Variants in ARID2 observed in about 807,000 individuals in gnomAD.
ARID2 encodes the protein AT-rich interaction domain 2, also known as AT-rich interactive domain-containing protein 2.
A neutral mutation model predicts 184.6 loss-of-function variants in ARID2; 32 were observed. That is an observed-to-expected ratio of 0.17 (90% CI 0.13 to 0.23). The LOEUF (loss-of-function observed/expected upper bound fraction) is 0.23, where lower values mean the gene tolerates loss of function less well. ARID2 is among the 10% of genes least tolerant of loss of function. The pLI is 1.00. For synonymous variants in ARID2, 836 were observed against 772.6 expected, an observed-to-expected ratio of 1.08 and a Z score of -1.36; for missense variants, 1,696 against 2,197.6, an observed-to-expected ratio of 0.77 and a Z score of 4.56.
chr12:45,850,306 T>C lies in ARID2; in HGVS notation c.2183T>C (p.Val728Ala), dbSNP rs2138160720. 1 of 1,614,040 alleles carries C rather than the reference T, an allele frequency of 6.2e-7. No individual in the cohort carries two copies. Among genetic ancestry groups the C allele is most frequent in the Non-Finnish European group, 8.5e-7 (1 of 1,179,968 alleles). The change falls in exon 15 of 21, where the codon GTT becomes GCT. Residue 728 changes from valine to alanine, a missense_variant. Around this residue, in one of 11 missense-constraint regions of ARID2, gnomAD observed 713 missense variants for 824.4 expected, o/e 0.86. Coordinates refer to ENST00000334344, the MANE Select transcript of ARID2 (RefSeq NM_152641.4). ...VIQNSIPQTG[V>A]PVSIAVGGGP... Reference sequence around the variant, plus strand: ...CAGAATTCCATACCCCAGACAGGAGTTCCTGTTAGTATTGCTGTTGGAGGA... The same window carrying C: ...CAGAATTCCATACCCCAGACAGGAGCTCCTGTTAGTATTGCTGTTGGAGGA...
Position 45,729,870 on chromosome 12 carries a change from G to A in ARID2, c.34G>A (p.Glu12Lys), listed in dbSNP as rs1490903912. Residue 12 changes from glutamate (E) to lysine (K), a missense_variant, in exon 1 of 21, where the codon GAG (glutamate) becomes AAG (lysine). By Grantham distance (56) the Glu-to-Lys change is moderately conservative (BLOSUM62 1). Coordinates refer to ENST00000334344, the MANE Select transcript of ARID2 (RefSeq NM_152641.4). ...CTCGACGGGGAAGGCGCCTCCGGACGAGCGGAGAAAGGGACTCGCTTTCCT... is the reference window on the plus strand; with the variant it reads ...CTCGACGGGGAAGGCGCCTCCGGACAAGCGGAGAAAGGGACTCGCTTTCCT... ...ANSTGKAPPD[E>K]RRKGLAFLDE... 1.9e-6 allele frequency: 3 copies of A among 1,611,600 alleles called. No homozygotes were observed. The highest frequency in any genetic ancestry group is 1.1e-5 in the South Asian group (1 of 90,872).
At chr12:45,826,778 T>TA (rs1293871251) in intron 6 of ARID2, among the ~76,000 whole-genome samples, 11 of 152,138 alleles carry the variant, frequency 7.2e-5, no homozygotes, top group African/African-American at 2.7e-4. Context: ...AAAGGGCAGA[T>TA]ATTAAAACCA....
chr12:45,865,768 CATACT>C (rs1943821648), intron 16 of ARID2, among the ~76,000 whole-genome samples: 1 of 152,052 alleles, frequency 6.6e-6, no homozygotes, highest in Non-Finnish European at 1.5e-5. Context: ...TTTCTTTTCT[CATACT>C]ATAAGAGTAG....
At position 45,907,594 on chromosome 12, in the gene ARID2, T is replaced by G. The variant is rs148621959; in HGVS notation, c.*2516T>G. ...AGCTTTATAGAACTATATAATAATA[T>G]GGACTTGCTGTGTAATGGAATTAAA... On this transcript the variant is annotated 3_prime_UTR_variant, in exon 21 of 21. Transcript: ENST00000334344. 4.3e-6 allele frequency: 1 copy of G among 233,196 alleles called. No homozygotes were observed. Among genetic ancestry groups the G allele is most frequent in the Non-Finnish European group, 8.5e-6 (1 of 117,778 alleles). The allele number at this position is 233,196 out of a possible 1,614,324, so 14.4% of individuals were successfully genotyped here.
At chr12:45,832,569 T>G (rs1469140612) in intron 6 of ARID2, among the ~76,000 whole-genome samples, 1 of 151,896 alleles carries the variant, frequency 6.6e-6, no homozygotes, top group African/African-American at 2.4e-5. Context: ...CTTGAACACG[T>G]GAGTTCAAGC....
chr12:45,755,047 A>G (rs543913604), intron 3 of ARID2, among the ~76,000 whole-genome samples: 2 of 152,336 alleles, frequency 1.3e-5, no homozygotes, highest in Admixed American at 1.3e-4. Context: ...GAGAGTCTGT[A>G]CAGTGTATTT....
intron 16 of ARID2, among the ~76,000 whole-genome samples, chr12:45,887,650 G>A (rs1944217230): frequency 6.6e-6 from 1 of 152,212 alleles, no homozygotes; most frequent in Non-Finnish European, 1.5e-5. Flanking sequence ...AAACAACTCA[G>A]CAAAGTGAGA....
At position 45,837,726 on chromosome 12, in the gene ARID2, A is replaced by C. The variant is rs767691095; in HGVS notation, c.1330+19A>C. 1 of 1,603,232 alleles carries C rather than the reference A, an allele frequency of 6.2e-7. No individual in the cohort carries two copies. The highest frequency in any genetic ancestry group is 8.5e-7 in the Non-Finnish European group (1 of 1,171,016). On this transcript the variant is annotated intron_variant, in intron 10 of 20. Coordinates refer to ENST00000334344, the MANE Select transcript of ARID2 (RefSeq NM_152641.4). ...AGCATAGGTAAGACTGGACCAAAAA[A>C]CACTTATTTTCTTTATTGAGTAAAA...
chr12:45,735,554 A>G (rs1249867516), intron 3 of ARID2, among the ~76,000 whole-genome samples: 1 of 151,792 alleles, frequency 6.6e-6, no homozygotes, highest in East Asian at 1.9e-4. Context: ...TGGGATACAA[A>G]AGTGAGCCAC....
At chr12:45,886,371 T>C (rs1353916448) in intron 16 of ARID2, among the ~76,000 whole-genome samples, 3 of 152,166 alleles carry the variant, frequency 2.0e-5, no homozygotes, top group Non-Finnish European at 2.9e-5. Context: ...CTTTGCAGGA[T>C]ACAGTGCCCC....
chr12:45,738,779 CTTTTTTTTTT>C lies in ARID2; in HGVS notation c.284+7490_284+7499del, dbSNP rs11333868. On this transcript the variant is annotated intron_variant, in intron 3 of 20. Transcript: ENST00000334344. ...TTTTCTTCCTGGGGCATATGGGCTACTTTTTTTTTTTTTTTTTTTTTTTTTTTTTTTTTTA... is the reference window on the plus strand; with the variant it reads ...TTTTCTTCCTGGGGCATATGGGCTACTTTTTTTTTTTTTTTTTTTTTTTTA... Among the ~76,000 whole-genome samples, 345 of 62,294 alleles carry C rather than the reference CTTTTTTTTTT, an allele frequency of 5.5e-3. 2 individuals are homozygous for C. Among genetic ancestry groups the C allele is most frequent in the African/African-American group, 0.026 (299 of 11,708 alleles). 40.9% of individuals were successfully genotyped at this position (62,294 alleles called of 152,430 possible).
chr12:45,742,747 T>C (rs1352152906), intron 3 of ARID2, among the ~76,000 whole-genome samples: 1 of 152,240 alleles, frequency 6.6e-6, no homozygotes, highest in Non-Finnish European at 1.5e-5. Flanking sequence ...GAATAATCTG[T>C]AAATCTTAGT....
At position 45,801,051 on chromosome 12, in the gene ARID2, G is replaced by A. The variant is rs192559853; in HGVS notation, c.285-10367G>A. Reference sequence around the variant, plus strand: ...GGAGTTAGAAAAATTACTTTCTCACGCCTGTAATCCCAGCGCTTTGGGAGG... The same window carrying A: ...GGAGTTAGAAAAATTACTTTCTCACACCTGTAATCCCAGCGCTTTGGGAGG... On this transcript the variant is annotated intron_variant, in intron 3 of 20. Coordinates refer to ENST00000334344, the MANE Select transcript of ARID2 (RefSeq NM_152641.4). Among the ~76,000 whole-genome samples, 26 of 152,200 alleles carry A rather than the reference G, an allele frequency of 1.7e-4. 1 individual carries two copies. The highest frequency in any genetic ancestry group is 1.2e-3 in the Admixed American group (19 of 15,296).
In ARID2 at chr12:45,864,799, A is replaced by G. The variant is rs191473677; in HGVS notation, c.4922+3850A>G. On this transcript the variant is annotated intron_variant, in intron 16 of 20. Coordinates refer to ENST00000334344, the MANE Select transcript of ARID2 (RefSeq NM_152641.4). ...ATTATTTCATTAAGGTTTGTAAAAT[A>G]TAAAAGACCCCCTTTTATCAGTCAT... 9.2e-5 allele frequency among the ~76,000 whole-genome samples: 14 copies of G among 152,322 alleles called. No homozygotes were observed. In the East Asian group the frequency reaches 2.7e-3, roughly 29 times the overall value.
rs559818816 is a variant in ARID2 at position 45,906,910 on chromosome 12, T to G, written c.*1832T>G. The G allele has an allele frequency of 2.0e-4, 47 of 232,052 alleles. No homozygotes were observed. In the South Asian group the frequency reaches 3.8e-3, roughly 19 times the overall value. The allele number at this position is 232,052 out of a possible 1,614,324, so 14.4% of individuals were successfully genotyped here. ...TTCAGAATCACAGTGTATCCAAATC[T>G]TCAGCTTGAATTTGGAGGCAGATTC... On this transcript the variant is annotated 3_prime_UTR_variant, in exon 21 of 21. Transcript: ENST00000334344.
At position 45,905,933 on chromosome 12, in the gene ARID2, CTTTTTTCTTTTT is replaced by C. The variant is rs576332462; in HGVS notation, c.*874_*885del. On this transcript the variant is annotated 3_prime_UTR_variant, in exon 21 of 21. Transcript: ENST00000334344. ...TTTTGTGGAACTGTGATTTTTTTTT[CTTTTTTCTTTTT>C]TTTTTTCTTTTTTTTTTTGTATTAT... 798 of 206,102 alleles carry C rather than the reference CTTTTTTCTTTTT, an allele frequency of 3.9e-3. 3 individuals carry two copies. Among genetic ancestry groups the C allele is most frequent in the Middle Eastern group, 0.024 (17 of 716 alleles). The allele number at this position is 206,102 out of a possible 1,614,324, so 12.8% of individuals were successfully genotyped here.
chr12:45,808,354 TTGGA>T (rs1565604003), intron 3 of ARID2, among the ~76,000 whole-genome samples: 1 of 152,174 alleles, frequency 6.6e-6, no homozygotes, highest in African/African-American at 2.4e-5. Flanking sequence ...TGCATCTCAG[TTGGA>T]AATATTTAAT....
At chr12:45,778,733 A>T (rs999489530) in intron 3 of ARID2, among the ~76,000 whole-genome samples, 2 of 151,978 alleles carry the variant, frequency 1.3e-5, no homozygotes, top group Admixed American at 6.6e-5. Context: ...TACTTCAAAA[A>T]TCATATAATA....
In ARID2 at chr12:45,905,296, G is replaced by A; in HGVS notation, c.*218G>A. 1 of 414,598 alleles carries A rather than the reference G, an allele frequency of 2.4e-6. No homozygotes were observed. The highest frequency in any genetic ancestry group is 4.2e-6 in the Non-Finnish European group (1 of 238,176). 25.7% of individuals were successfully genotyped at this position (414,598 alleles called of 1,614,324 possible). ...AAAAAGAAAAAGGAAAAAAAAAAAA[G>A]AACTGCTGTGGGATTGTCAACCAGC... On this transcript the variant is annotated 3_prime_UTR_variant, in exon 21 of 21. Transcript: ENST00000334344.
Sources: allele counts gnomAD v4.1 joint callset (sites outside exome capture counted in the v4.1 genomes callset), GRCh38; gene constraint gnomAD v4.1.1; regional missense constraint gnomAD v4.1.1; transcripts MANE v1.5; gene names NCBI Gene and HGNC (gene_info 2026-07-23, HGNC 2026-07-21).